The following AUTS2 variants were observed in gnomAD, a reference collection of about 807,000 sequenced individuals.
AUTS2 encodes activator of transcription and developmental regulator AUTS2.
AUTS2 carries 17 observed loss-of-function variants against 112.4 expected under a neutral mutation model. The ratio of observed to expected loss-of-function variants is 0.15; its 90% confidence interval spans 0.10 to 0.23. AUTS2 has a LOEUF of 0.23. Among genes scored for constraint, AUTS2 ranks in the 10% least tolerant of loss-of-function variants. The pLI, the probability that AUTS2 is intolerant of heterozygous loss-of-function variation, is 1.00. For synonymous variants in AUTS2, 751 were observed against 702.7 expected (o/e 1.07, Z -1.09); for missense variants, 1,510 against 1,701.6 (o/e 0.89, Z 1.98).
At chr7:69,752,310 T>G (rs1256080883) in intron 1 of AUTS2, among the ~76,000 whole-genome samples, 1 of 152,230 alleles carries the variant, frequency 6.6e-6, no homozygotes, top group Non-Finnish European at 1.5e-5. Flanking sequence ...AGGTTCCTGT[T>G]GTGCAGATGG....
At chr7:69,894,027 C>T (rs1794632858) in intron 1 of AUTS2, among the ~76,000 whole-genome samples, 1 of 152,158 alleles carries the variant, frequency 6.6e-6, no homozygotes, top group Admixed American at 6.5e-5. Context: ...ATATGTGCTA[C>T]TGTGACCCTG....
chr7:70,227,422 G>A (rs1811823854), intron 4 of AUTS2, among the ~76,000 whole-genome samples: 1 of 151,964 alleles, frequency 6.6e-6, no homozygotes, highest in South Asian at 2.1e-4. Context: ...AATTCAATGA[G>A]TTTTAGTAAA....
At chr7:70,739,681 TTTG>T (rs1787989073) in intron 6 of AUTS2, among the ~76,000 whole-genome samples, 1 of 152,008 alleles carries the variant, frequency 6.6e-6, no homozygotes, top group South Asian at 2.1e-4. Flanking sequence ...TACTCAGCCA[TTTG>T]TCTGATGTGT....
At chr7:69,988,847 T>C (rs1798620591) in intron 2 of AUTS2, among the ~76,000 whole-genome samples, 2 of 152,154 alleles carry the variant, frequency 1.3e-5, no homozygotes, top group African/African-American at 4.8e-5. Flanking sequence ...CTTAGGTCAG[T>C]GATTTGACAA....
intron 1 of AUTS2, among the ~76,000 whole-genome samples, chr7:69,626,429 A>C (rs902130180): frequency 2.6e-5 from 4 of 151,982 alleles, no homozygotes; most frequent in Non-Finnish European, 5.9e-5. Flanking sequence ...TTTAGCAGTA[A>C]TGTCATTTTT....
intron 5 of AUTS2, among the ~76,000 whole-genome samples, chr7:70,492,319 G>T (rs1798282048): frequency 7.8e-6 from 1 of 128,292 alleles, no homozygotes; most frequent in African/African-American, 3.4e-5. Context: ...CTCCCGTCAG[G>T]TCCTGGCTGT....
chr7:70,160,983 G>C (rs1211060786), intron 4 of AUTS2, among the ~76,000 whole-genome samples: 1 of 152,172 alleles, frequency 6.6e-6, no homozygotes, highest in Non-Finnish European at 1.5e-5. Flanking sequence ...AATCAATATG[G>C]AAACAGAACT....
chr7:70,232,491 C>T (rs1011011568), intron 4 of AUTS2, among the ~76,000 whole-genome samples: 9 of 152,058 alleles, frequency 5.9e-5, no homozygotes, highest in African/African-American at 2.2e-4. Context: ...GCAACTTCCC[C>T]CTTCCAGGTT....
rs777873383 is a variant in AUTS2 at position 69,902,031 on chromosome 7, G to A, written c.522+2533G>A. ...GGTAATGCCGTTTTGGAGTCAGTCT[G>A]TAACTGATAGGCTCTGTGAAGACAT... On this transcript the variant is annotated intron_variant, in intron 2 of 18. Coordinates refer to ENST00000342771, the MANE Select transcript of AUTS2 (RefSeq NM_015570.4). 2.6e-4 allele frequency among the ~76,000 whole-genome samples: 40 copies of A among 152,206 alleles called. 1 individual carries two copies. The highest frequency in any genetic ancestry group is 4.2e-4 in the South Asian group (2 of 4,804).
At position 70,633,059 on chromosome 7, in the gene AUTS2, C is replaced by T. The variant is rs368419810; in HGVS notation, c.691-65510C>T. On this transcript the variant is annotated intron_variant, in intron 5 of 18. Coordinates refer to ENST00000342771, the MANE Select transcript of AUTS2 (RefSeq NM_015570.4). ...CATGGGGCGAGGGCTCTGAGAGCAG[C>T]ATCCATGCCCCATGGGGTAGAGGGC... Among the ~76,000 whole-genome samples, 20 of 152,282 alleles carry T rather than the reference C, an allele frequency of 1.3e-4. No individual in the cohort carries two copies. The East Asian group carries it at 1.5e-3, about 12-fold the overall frequency.
At chr7:69,772,095 CTT>C (rs140438031) in intron 1 of AUTS2, among the ~76,000 whole-genome samples, 11 of 151,930 alleles carry the variant, frequency 7.2e-5, no homozygotes, top group Non-Finnish European at 1.5e-4. Flanking sequence ...CGTGACCTGA[CTT>C]TTTTTACTGA....
At chr7:69,935,082 G>A (rs925056160) in intron 2 of AUTS2, among the ~76,000 whole-genome samples, 6 of 152,130 alleles carry the variant, frequency 3.9e-5, no homozygotes, top group African/African-American at 1.4e-4. Context: ...AAGGGTCCCT[G>A]CCCCATATAA....
chr7:70,525,445 TAA>T (rs1346269988), intron 5 of AUTS2, among the ~76,000 whole-genome samples: 8 of 151,968 alleles, frequency 5.3e-5, no homozygotes, highest in African/African-American at 1.9e-4. Context: ...TGAATGCACT[TAA>T]GTTTAGAAAT....
chr7:70,145,556 C>A (rs933308640), intron 4 of AUTS2, among the ~76,000 whole-genome samples: 1 of 152,060 alleles, frequency 6.6e-6, no homozygotes, highest in Non-Finnish European at 1.5e-5. Context: ...TATGTTTTAA[C>A]AGATATGCTT....
intron 4 of AUTS2, among the ~76,000 whole-genome samples, chr7:70,267,716 CCT>C (rs1787501555): frequency 6.6e-6 from 1 of 152,172 alleles, no homozygotes; most frequent in South Asian, 2.1e-4. Context: ...AGAGCTGAGA[CCT>C]CTGATGAACC....
chr7:70,660,498 G>A (rs73451622), intron 5 of AUTS2, among the ~76,000 whole-genome samples: 2,014 of 152,294 alleles, frequency 0.013, 48 homozygotes, highest in African/African-American at 0.046. Context: ...CAACAGATAC[G>A]TATTGAAGGC....
chr7:70,447,111 A>G (rs1430447457), intron 5 of AUTS2, among the ~76,000 whole-genome samples: 1 of 152,240 alleles, frequency 6.6e-6, no homozygotes, highest in Non-Finnish European at 1.5e-5. Context: ...GCCTACGTTC[A>G]GACTGAAGAA....
At chr7:70,148,083 T>C (rs1402547373) in intron 4 of AUTS2, among the ~76,000 whole-genome samples, 2 of 152,084 alleles carry the variant, frequency 1.3e-5, no homozygotes, top group African/African-American at 4.8e-5. Context: ...AAGTGTTTAA[T>C]CATATCTGAT....
At chr7:69,870,947 A>G (rs1793469328) in intron 1 of AUTS2, among the ~76,000 whole-genome samples, 1 of 152,196 alleles carries the variant, frequency 6.6e-6, no homozygotes, top group Non-Finnish European at 1.5e-5. Flanking sequence ...AGAGCATTCA[A>G]CTTGTATGTA....
Sources: gnomAD v4.1 joint callset for allele counts (sites outside exome capture counted in the v4.1 genomes callset) on GRCh38, gnomAD v4.1.1 for gene constraint, MANE v1.5 for transcripts, NCBI Gene and HGNC (gene_info 2026-07-23, HGNC 2026-07-21) for gene names.